The following SGMS1 variants were observed in gnomAD, a reference collection of about 807,000 sequenced individuals.
SGMS1 encodes the protein phosphatidylcholine:ceramide cholinephosphotransferase 1.
A neutral mutation model predicts 46.2 loss-of-function variants in SGMS1; 13 were observed. The observed-to-expected ratio is 0.28, with a 90% confidence interval of 0.18 to 0.45. The LOEUF is 0.45. Among genes scored for constraint, SGMS1 ranks in the 20% least tolerant of loss-of-function variants. The pLI is 1.00. For synonymous variants in SGMS1, 203 were observed against 187.8 expected (o/e 1.08, Z -0.66); for missense variants, 324 against 519.9 (o/e 0.62, Z 3.66).
chr10:50,543,802 AT>A (rs1348347653), intron 2 of SGMS1, among the ~76,000 whole-genome samples: 1 of 151,838 alleles, frequency 6.6e-6, no homozygotes, highest in Non-Finnish European at 1.5e-5. Flanking sequence ...AAACCAAAAG[AT>A]TTTTTTTTAC....
intron 8 of SGMS1, among the ~76,000 whole-genome samples, chr10:50,323,963 C>G (rs1451156110): frequency 6.6e-6 from 1 of 152,176 alleles, no homozygotes; most frequent in African/African-American, 2.4e-5. Flanking sequence ...CTATATCTAC[C>G]TTCCTCATGC....
At chr10:50,604,468 C>T (rs1396754312) in intron 1 of SGMS1, among the ~76,000 whole-genome samples, 3 of 152,296 alleles carry the variant, frequency 2.0e-5, no homozygotes, top group South Asian at 2.1e-4. Context: ...TTTGCCTAGA[C>T]GTCTGATACA....
At chr10:50,624,048 G>GGGCC (rs1838886741), upstream of SGMS1, 2 of 985,316 alleles carry the variant, frequency 2.0e-6, no homozygotes, top group Non-Finnish European at 2.4e-6. Flanking sequence ...CCGGGGGGGC[G>GGGCC]GGCCGGCCGG....
At chr10:50,530,797 T>C (rs1441744376) in intron 2 of SGMS1, among the ~76,000 whole-genome samples, 3 of 152,088 alleles carry the variant, frequency 2.0e-5, no homozygotes. Context: ...TTAACAATAG[T>C]TTATATAATA....
At position 50,590,975 on chromosome 10, in the gene SGMS1, G is replaced by A. The variant is rs180710005; in HGVS notation, c.-683-728C>T. 2.6e-5 allele frequency among the ~76,000 whole-genome samples: 4 copies of A among 151,924 alleles called. No individual in the cohort carries two copies. In the East Asian group the frequency reaches 7.7e-4, roughly 29 times the overall value. Reference sequence around the variant, plus strand: ...GAGACCACACTTAGAAGGCATCCACGTACCCACCTAGAACCACACAGGAAT... The same window carrying A: ...GAGACCACACTTAGAAGGCATCCACATACCCACCTAGAACCACACAGGAAT... On this transcript the variant is annotated intron_variant, in intron 1 of 10. Transcript: ENST00000361781.
chr10:50,326,282 C>A (rs1847531558), intron 8 of SGMS1, among the ~76,000 whole-genome samples: 1 of 151,908 alleles, frequency 6.6e-6, no homozygotes. Context: ...TTAAAGAGAT[C>A]CAAAATTTCA....
chr10:50,525,903 G>T (rs1376952595), intron 2 of SGMS1, among the ~76,000 whole-genome samples: 2 of 152,194 alleles, frequency 1.3e-5, no homozygotes, highest in Non-Finnish European at 2.9e-5. Flanking sequence ...GACAAAGGTT[G>T]CTATGTTAAT....
intron 6 of SGMS1, among the ~76,000 whole-genome samples, chr10:50,425,569 C>T (rs150675727): frequency 2.2e-4 from 33 of 152,104 alleles, no homozygotes; most frequent in African/African-American, 5.5e-4. Flanking sequence ...TATAAAGATG[C>T]GAACAACAGA....
At chr10:50,445,176 A>C (rs957683716) in intron 5 of SGMS1, among the ~76,000 whole-genome samples, 9 of 152,212 alleles carry the variant, frequency 5.9e-5, no homozygotes, top group African/African-American at 1.9e-4. Context: ...CCTGCACTGG[A>C]ATGCTAATTT....
At chr10:50,540,880 G>T (rs1227994308) in intron 2 of SGMS1, among the ~76,000 whole-genome samples, 1 of 152,152 alleles carries the variant, frequency 6.6e-6, no homozygotes, top group African/African-American at 2.4e-5. Context: ...CATAAAGAGG[G>T]TGGAAAAGAG....
intron 2 of SGMS1, among the ~76,000 whole-genome samples, chr10:50,544,502 T>C (rs901370991): frequency 6.6e-6 from 1 of 152,242 alleles, no homozygotes; most frequent in Non-Finnish European, 1.5e-5. Flanking sequence ...GATTTTCAGC[T>C]GCAACTGAGA....
At chr10:50,450,364 A>C (rs1381525284) in intron 5 of SGMS1, among the ~76,000 whole-genome samples, 1 of 152,178 alleles carries the variant, frequency 6.6e-6, no homozygotes, top group Non-Finnish European at 1.5e-5. Context: ...ACTGAAACAG[A>C]CAAGAAAGTC....
chr10:50,367,445 T>G (rs1051961176), intron 6 of SGMS1, among the ~76,000 whole-genome samples: 1 of 152,234 alleles, frequency 6.6e-6, no homozygotes, highest in Non-Finnish European at 1.5e-5. Context: ...GGCGCTTAAA[T>G]GTATATCCTT....
intron 1 of SGMS1, among the ~76,000 whole-genome samples, chr10:50,622,685 T>C (rs1468556030): frequency 6.6e-6 from 1 of 152,160 alleles, no homozygotes; most frequent in Non-Finnish European, 1.5e-5. Flanking sequence ...AAAAGAAACA[T>C]CTGAGAAGCA....
At chr10:50,498,941 G>A (rs911069454) in intron 3 of SGMS1, among the ~76,000 whole-genome samples, 2 of 152,108 alleles carry the variant, frequency 1.3e-5, no homozygotes, top group African/African-American at 2.4e-5. Context: ...TAGTGCACGA[G>A]TGTTCCAATT....
chr10:50,327,631 G>T (rs114944343), intron 7 of SGMS1, among the ~76,000 whole-genome samples: 2,088 of 152,274 alleles, frequency 0.014, 42 homozygotes, highest in African/African-American at 0.047. Flanking sequence ...TGGAGCCCAC[G>T]CTGATTGGCC....
rs75093438 is a variant in SGMS1, at chr10:50,465,859, C to A, written c.-455+1031G>T. ...ACATTTTCCAGAGACAAAAAAAAAA[C>A]AGTTCACAAACAACCAACTTGGAGG... On this transcript the variant is annotated intron_variant, in intron 4 of 10. Transcript: ENST00000361781. Among the ~76,000 whole-genome samples, 1,395 of 150,204 alleles carry A rather than the reference C, an allele frequency of 9.3e-3. 19 individuals carry two copies. Among genetic ancestry groups the A allele is most frequent in the African/African-American group, 0.033 (1,338 of 41,058 alleles).
intron 6 of SGMS1, chr10:50,418,170 G>A (rs775572103): frequency 6.6e-6 from 1 of 152,152 alleles, no homozygotes; most frequent in Non-Finnish European, 1.5e-5. Flanking sequence ...GGCGCGGGCG[G>A]AAAGGCGAGC....
At chr10:50,625,155 A>G (rs2131957098), upstream of SGMS1, 1 of 762,520 alleles carries the variant, frequency 1.3e-6, no homozygotes, top group African/African-American at 1.9e-5. Context: ...CCCGGGCCAG[A>G]AGCAAACTGC....
Sources: gnomAD v4.1 joint callset for allele counts (sites outside exome capture counted in the v4.1 genomes callset) on GRCh38, gnomAD v4.1.1 for gene constraint, MANE v1.5 for transcripts, NCBI Gene and HGNC (gene_info 2026-07-23, HGNC 2026-07-21) for gene names.